PRKCB: variants seen among roughly 807,000 people sequenced by gnomAD.
PRKCB encodes protein kinase C beta type.
PRKCB carries 13 observed loss-of-function variants against 81.5 expected under a neutral mutation model. That is an observed-to-expected ratio of 0.16 (90% CI 0.10 to 0.25). The LOEUF is 0.25. Among genes scored for constraint, PRKCB ranks in the 10% least tolerant of loss-of-function variants. The pLI is 1.00. For synonymous variants in PRKCB, 335 were observed against 321.4 expected, an observed-to-expected ratio of 1.04 and a Z score of -0.45; for missense variants, 509 against 875.7, an observed-to-expected ratio of 0.58 and a Z score of 5.29.
At chr16:24,135,702 C>A (rs1966862502) in intron 9 of PRKCB, among the ~76,000 whole-genome samples, 1 of 152,088 alleles carries the variant, frequency 6.6e-6, no homozygotes. Flanking sequence ...TTAGTTCATG[C>A]CAGGAACAAA....
chr16:24,108,328 A>AT (rs1966606321), intron 7 of PRKCB, among the ~76,000 whole-genome samples: 2 of 133,144 alleles, frequency 1.5e-5, no homozygotes, highest in African/African-American at 5.9e-5. Flanking sequence ...TTTATTTTTT[A>AT]TTTTATTTTT....
At chr16:23,970,526 C>T (rs1210495628) in intron 2 of PRKCB, among the ~76,000 whole-genome samples, 1 of 152,224 alleles carries the variant, frequency 6.6e-6, no homozygotes, top group African/African-American at 2.4e-5. Context: ...GCACCAAACC[C>T]TCACTTTTTT....
chr16:23,960,313 C>T (rs970932323), intron 2 of PRKCB, among the ~76,000 whole-genome samples: 6 of 152,140 alleles, frequency 3.9e-5, no homozygotes, highest in African/African-American at 1.4e-4. Context: ...AACACTTCCA[C>T]TTTCCCCTCT....
At chr16:24,093,525 T>A (rs957466944) in intron 6 of PRKCB, among the ~76,000 whole-genome samples, 3 of 152,250 alleles carry the variant, frequency 2.0e-5, no homozygotes, top group African/African-American at 7.2e-5. Flanking sequence ...TCGGCTCATT[T>A]TATTCCCAAT....
chr16:24,129,740 C>T (rs1966850598), intron 9 of PRKCB, among the ~76,000 whole-genome samples: 1 of 151,922 alleles, frequency 6.6e-6, no homozygotes, highest in Non-Finnish European at 1.5e-5. Flanking sequence ...TATCTGTCGT[C>T]ATAGAAAGAT....
intron 2 of PRKCB, among the ~76,000 whole-genome samples, chr16:23,889,161 TC>T (rs1963251855): frequency 7.1e-6 from 1 of 141,256 alleles, no homozygotes; most frequent in South Asian, 2.1e-4. Context: ...CATCCATCCA[TC>T]CATCCATCCG....
intron 15 of PRKCB, 74 bp from the exon 16 acceptor site, chr16:24,191,016 A>G (rs927700470): frequency 2.0e-6 from 3 of 1,513,284 alleles, no homozygotes; most frequent in Non-Finnish European, 2.7e-6. Context: ...AATGCATTGG[A>G]GTAATAATTT....
intron 3 of PRKCB, among the ~76,000 whole-genome samples, chr16:23,990,286 G>A (rs1022063046): frequency 5.3e-5 from 8 of 151,708 alleles, no homozygotes; most frequent in East Asian, 1.9e-4. Context: ...GTGAAACCCC[G>A]TCTCTACTAA....
At chr16:24,020,973 T>TCC in intron 3 of PRKCB, among the ~76,000 whole-genome samples, 4 of 101,652 alleles carry the variant, frequency 3.9e-5, no homozygotes, top group Non-Finnish European at 8.0e-5. Flanking sequence ...GAGAGACTTT[T>TCC]CTTTTTCTTT....
chr16:23,915,107 ACCCCTTCTCCCGTTAG>A (rs1407196825), intron 2 of PRKCB, among the ~76,000 whole-genome samples: 2 of 151,946 alleles, frequency 1.3e-5, no homozygotes, highest in East Asian at 3.9e-4. Flanking sequence ...CCTCTCCCCT[ACCCCTTCTCCCGTTAG>A]CCCCTGATCT....
rs570409586 is a variant in PRKCB, at chr16:23,995,277, A to G, written c.288+6687A>G. On this transcript the variant is annotated intron_variant, in intron 3 of 16. Coordinates refer to ENST00000643927, the MANE Select transcript of PRKCB (RefSeq NM_002738.7). ...GGGGCCCCAAGAGCTTCTGGTTTTC[A>G]GTAGGGCCCAGAACAGTAGAAGGCT... Among the ~76,000 whole-genome samples the G allele has an allele frequency of 1.1e-4, 16 of 152,242 alleles. No homozygotes were observed. The East Asian group carries it at 2.9e-3, about 28-fold the overall frequency.
At chr16:24,131,332 C>G (rs1248550862) in intron 9 of PRKCB, among the ~76,000 whole-genome samples, 2 of 152,184 alleles carry the variant, frequency 1.3e-5, no homozygotes, top group African/African-American at 4.8e-5. Flanking sequence ...CTAAAATAAT[C>G]CCAGGACACT....
chr16:23,865,178 A>G (rs1200906818), intron 2 of PRKCB, among the ~76,000 whole-genome samples: 2 of 152,122 alleles, frequency 1.3e-5, no homozygotes, highest in African/African-American at 4.8e-5. Flanking sequence ...TAGAAAACCT[A>G]GAGGAAATGG....
At chr16:23,885,326 T>C (rs1963182340) in intron 2 of PRKCB, among the ~76,000 whole-genome samples, 1 of 152,180 alleles carries the variant, frequency 6.6e-6, no homozygotes, top group Non-Finnish European at 1.5e-5. Context: ...TTTTCTTTTT[T>C]GAGACGGAGT....
intron 16 of PRKCB, among the ~76,000 whole-genome samples, chr16:24,202,683 G>T (rs1323314196): frequency 1.3e-5 from 2 of 152,182 alleles, no homozygotes; most frequent in Non-Finnish European, 2.9e-5. Flanking sequence ...CACACACAAG[G>T]ATGTTAGCAT....
At chr16:23,869,276 A>G in intron 2 of PRKCB, 2 of 329,354 alleles carry the variant, frequency 6.1e-6, no homozygotes, top group South Asian at 4.7e-5. Flanking sequence ...CTGTTGCCTC[A>G]GCTGCGTCCT....
chr16:24,004,451 G>T (rs977151530), intron 3 of PRKCB, among the ~76,000 whole-genome samples: 2 of 149,318 alleles, frequency 1.3e-5, no homozygotes, highest in Admixed American at 1.3e-4. Flanking sequence ...AGACCAGCCT[G>T]GGCAACATGG....
intron 7 of PRKCB, among the ~76,000 whole-genome samples, chr16:24,096,667 ATATATATATAT>A (rs1176711174): frequency 2.5e-3 from 45 of 17,808 alleles, no homozygotes; most frequent in African/African-American, 3.6e-3. Context: ...AAAAAAAAAA[ATATATATATAT>A]ATATATATAT....
chr16:24,123,220 G>T (rs1479647924), intron 8 of PRKCB, among the ~76,000 whole-genome samples: 1 of 152,178 alleles, frequency 6.6e-6, no homozygotes, highest in Non-Finnish European at 1.5e-5. Context: ...GGTTGCTGAA[G>T]GGGAGAGAAT....
Sources: gnomAD v4.1 joint callset for allele counts (sites outside exome capture counted in the v4.1 genomes callset) on GRCh38, gnomAD v4.1.1 for gene constraint, MANE v1.5 for transcripts, NCBI Gene and HGNC (gene_info 2026-07-23, HGNC 2026-07-21) for gene names.